Variants in PLCXD3 observed in about 807,000 individuals in gnomAD.
The protein encoded by PLCXD3 is PI-PLC X domain-containing protein 3.
PLCXD3 carries 19 observed loss-of-function variants against 25.5 expected under a neutral mutation model. The ratio of observed to expected loss-of-function variants is 0.75; its 90% CI spans 0.52 to 1.09. The LOEUF (loss-of-function observed/expected upper bound fraction) is 1.09, where lower values mean the gene tolerates loss of function less well. Ranked by LOEUF, PLCXD3 falls within the 50% of genes least tolerant of loss-of-function variation. The probability of loss-of-function intolerance (pLI) is 0.00; values close to 1 mark genes in which losing one functional copy is unlikely to be tolerated. For synonymous variants in PLCXD3, 174 were observed against 137.6 expected, an observed-to-expected ratio of 1.26 and a Z score of -1.85; for missense variants, 411 against 388.1, an observed-to-expected ratio of 1.06 and a Z score of -0.50.
At chr5:41,389,482 T>C (rs961944224) in intron 1 of PLCXD3, among the ~76,000 whole-genome samples, 1 of 152,168 alleles carries the variant, frequency 6.6e-6, no homozygotes, top group Non-Finnish European at 1.5e-5. Flanking sequence ...CTGTACTGTG[T>C]TCTTTGCAAC....
At chr5:41,345,967 C>T (rs1744290976) in intron 2 of PLCXD3, among the ~76,000 whole-genome samples, 1 of 151,884 alleles carries the variant, frequency 6.6e-6, no homozygotes, top group Admixed American at 6.6e-5. Flanking sequence ...GCAATCTCCA[C>T]CTACTGGGTT....
At chr5:41,345,527 AT>A (rs1744273089) in intron 2 of PLCXD3, among the ~76,000 whole-genome samples, 1 of 152,274 alleles carries the variant, frequency 6.6e-6, no homozygotes, top group South Asian at 2.1e-4. Flanking sequence ...GAGAATATTC[AT>A]AAGATAACAT....
chr5:41,421,680 G>C (rs1746829954), intron 1 of PLCXD3, among the ~76,000 whole-genome samples: 1 of 152,156 alleles, frequency 6.6e-6, no homozygotes. Context: ...AGGCCTGGGC[G>C]AAAGAGCGAG....
intron 2 of PLCXD3, 98 bp from the exon 3 acceptor site, chr5:41,313,868 A>G (rs1743213241): frequency 1.5e-6 from 2 of 1,373,042 alleles, no homozygotes; most frequent in African/African-American, 1.5e-5. Context: ...GCTTATTAAA[A>G]TAAATGTTTC....
At position 41,440,249 on chromosome 5, in the gene PLCXD3, T is replaced by TTTTTTTTTTTTTTTTTTTTG. The variant is rs751131624; in HGVS notation, c.104-57716_104-57715insCAAAAAAAAAAAAAAAAAAA. The stretch of plus-strand genomic sequence containing the variant: ...TTTTTTTTTTTTTTTTTTTTTTTTT[T>TTTTTTTTTTTTTTTTTTTTG]TTAGTCAGAGTCTCACTGTGTCACC... On this transcript the variant is annotated intron_variant, in intron 1 of 2. Coordinates refer to ENST00000377801, the MANE Select transcript of PLCXD3 (RefSeq NM_001005473.3). Among the ~76,000 whole-genome samples the TTTTTTTTTTTTTTTTTTTTG allele has an allele frequency of 1.9e-3, 191 of 100,378 alleles. 27 individuals are homozygous for TTTTTTTTTTTTTTTTTTTTG. The highest frequency in any genetic ancestry group is 5.0e-3 in the Middle Eastern group (1 of 200). 65.9% of individuals were successfully genotyped at this position (100,378 alleles called of 152,430 possible).
At chr5:41,433,253 C>T (rs1203018818) in intron 1 of PLCXD3, among the ~76,000 whole-genome samples, 3 of 152,316 alleles carry the variant, frequency 2.0e-5, no homozygotes, top group Middle Eastern at 3.4e-3. Flanking sequence ...TCAAAGCCTA[C>T]ACTCTAAGTG....
intron 2 of PLCXD3, among the ~76,000 whole-genome samples, chr5:41,328,674 A>C (rs149790522): frequency 1.4e-3 from 210 of 152,294 alleles, no homozygotes; most frequent in African/African-American, 4.9e-3. Context: ...CTTAGAAGAG[A>C]AACAGGGAAG....
intron 1 of PLCXD3, among the ~76,000 whole-genome samples, chr5:41,488,871 T>C (rs1362780186): frequency 1.5e-4 from 23 of 150,584 alleles, no homozygotes; most frequent in African/African-American, 5.6e-4. Flanking sequence ...TTCTCCCATT[T>C]TGTAGGTTGC....
chr5:41,475,701 A>C (rs1237129795), intron 1 of PLCXD3: 1 of 534,642 alleles, frequency 1.9e-6, no homozygotes, highest in African/African-American at 1.9e-5. Flanking sequence ...TGAGACCATC[A>C]CTACGACAGT....
intron 1 of PLCXD3, among the ~76,000 whole-genome samples, chr5:41,404,214 T>C (rs1172806273): frequency 6.6e-6 from 1 of 152,134 alleles, no homozygotes; most frequent in African/African-American, 2.4e-5. Flanking sequence ...TCATCAAACC[T>C]TCTAGCTCCA....
chr5:41,351,946 A>T (rs1042678757), intron 2 of PLCXD3, among the ~76,000 whole-genome samples: 2 of 152,198 alleles, frequency 1.3e-5, no homozygotes, highest in African/African-American at 4.8e-5. Context: ...ATAAAGGAGC[A>T]AAATAATTGC....
chr5:41,350,224 C>A (rs1744414545), intron 2 of PLCXD3, among the ~76,000 whole-genome samples: 1 of 152,168 alleles, frequency 6.6e-6, no homozygotes, highest in Admixed American at 6.6e-5. Flanking sequence ...ATTCCGTCCT[C>A]TGTTTTCTCA....
chr5:41,425,293 CTT>C (rs573388359), intron 1 of PLCXD3, among the ~76,000 whole-genome samples: 27 of 151,838 alleles, frequency 1.8e-4, no homozygotes, highest in African/African-American at 6.5e-4. Flanking sequence ...GAATCTGTCT[CTT>C]GTCTTTTTTT....
At chr5:41,371,280 G>A (rs904363505) in intron 2 of PLCXD3, among the ~76,000 whole-genome samples, 47 of 152,070 alleles carry the variant, frequency 3.1e-4, no homozygotes, top group Admixed American at 1.3e-4. Context: ...ATTGAAAAAC[G>A]GGGAAAGAAA....
intron 1 of PLCXD3, among the ~76,000 whole-genome samples, chr5:41,474,970 T>C (rs900499732): frequency 3.9e-5 from 6 of 152,168 alleles, no homozygotes; most frequent in Non-Finnish European, 8.8e-5. Context: ...TCTCAAAAGC[T>C]AGAGCCAAAG....
At chr5:41,510,138 T>C (rs1739008104) in intron 1 of PLCXD3, among the ~76,000 whole-genome samples, 1 of 152,126 alleles carries the variant, frequency 6.6e-6, no homozygotes, top group Non-Finnish European at 1.5e-5. Flanking sequence ...GGCACCATCC[T>C]GGAGCCCAGC....
chr5:41,412,302 G>A (rs191964545), intron 1 of PLCXD3, among the ~76,000 whole-genome samples: 218 of 151,644 alleles, frequency 1.4e-3, no homozygotes, highest in South Asian at 3.5e-3. Flanking sequence ...GCATTGTGCC[G>A]TATATGCTAA....
chr5:41,418,457 A>G (rs1200489139), intron 1 of PLCXD3, among the ~76,000 whole-genome samples: 1 of 152,232 alleles, frequency 6.6e-6, no homozygotes, highest in Non-Finnish European at 1.5e-5. Flanking sequence ...AGGGATAAGA[A>G]GTAGAAACAG....
chr5:41,382,960 T>C (rs1745518401), intron 1 of PLCXD3, among the ~76,000 whole-genome samples: 1 of 152,032 alleles, frequency 6.6e-6, no homozygotes, highest in South Asian at 2.1e-4. Flanking sequence ...CCTAGAAGGA[T>C]TGTCTCAATG....
Sources: allele counts gnomAD v4.1 joint callset (sites outside exome capture counted in the v4.1 genomes callset), GRCh38; gene constraint gnomAD v4.1.1; transcripts MANE v1.5; gene names NCBI Gene and HGNC (gene_info 2026-07-23, HGNC 2026-07-21).